The following MLLT10 variants were observed in gnomAD, a reference collection of about 807,000 sequenced individuals.
MLLT10 encodes protein AF-10.
Under a neutral mutation model 129.1 loss-of-function variants are expected in MLLT10, and 30 were observed. That is an observed-to-expected ratio of 0.23 (90% confidence interval 0.17 to 0.32). MLLT10 has a LOEUF of 0.32. MLLT10 is among the 10% of genes least tolerant of loss of function. The pLI, the probability that MLLT10 is intolerant of heterozygous loss-of-function variation, is 1.00. For synonymous variants in MLLT10, 490 were observed against 446.4 expected, an observed-to-expected ratio of 1.10 and a Z score of -1.23; for missense variants, 1,119 against 1,268.3, an observed-to-expected ratio of 0.88 and a Z score of 1.79.
In MLLT10 at chr10:21,670,651, G is replaced by C. The variant is rs2131373239; in HGVS notation, c.998G>C (p.Gly333Ala). The change falls in exon 10 of 23, where the codon GGT becomes GCT. Residue 333 changes from glycine to alanine, a missense_variant. Gly to Ala is a moderately conservative substitution (Grantham distance 60, BLOSUM62 0). This residue lies in a region of MLLT10 where 1,004 missense variants were observed against 1,008.7 expected (regional missense o/e 1.00). Transcript: ENST00000307729. ...TCAGGTCAAAGGGGAAGAAAGCCTG[G>C]TGGTGGAAGAAATCCAGGAACAACT... ...HSSGQRGRKP[G>A]GGRNPGTTVS... 3.1e-6 allele frequency: 5 copies of C among 1,614,174 alleles called. No individual in the cohort carries two copies. Among genetic ancestry groups the C allele is most frequent in the South Asian group, 1.1e-5 (1 of 91,080 alleles).
chr10:21,673,928 T>A lies in MLLT10; in HGVS notation c.1621+9T>A. 1.9e-6 allele frequency: 3 copies of A among 1,544,650 alleles called. No individual in the cohort carries two copies. Among genetic ancestry groups the A allele is most frequent in the Non-Finnish European group, 2.6e-6 (3 of 1,148,388 alleles). ...ATCTCCAGTTGGTTCAGGTAGGGGT[T>A]TGCCTATTATTATTTTTCTCCTTCA... is the stretch of plus-strand genomic sequence containing the variant. On this transcript the variant is annotated intron_variant, in intron 11 of 22. Coordinates refer to ENST00000307729, the MANE Select transcript of MLLT10 (RefSeq NM_001195626.3).
chr10:21,562,809 G>GTGTT (rs2039000595), intron 3 of MLLT10, among the ~76,000 whole-genome samples: 1 of 76,594 alleles, frequency 1.3e-5, no homozygotes, highest in East Asian at 3.4e-4. Context: ...CATATACTTT[G>GTGTT]TTTTTTTTGT....
chr10:21,696,425 CAG>C (rs1208656114), intron 13 of MLLT10, among the ~76,000 whole-genome samples: 2 of 152,032 alleles, frequency 1.3e-5, no homozygotes, highest in African/African-American at 2.4e-5. Flanking sequence ...TTGCTAGAAA[CAG>C]AAATTCTCCT....
chr10:21,737,761 A>G (rs185781944), intron 21 of MLLT10, among the ~76,000 whole-genome samples: 6 of 152,108 alleles, frequency 3.9e-5, no homozygotes, highest in African/African-American at 1.4e-4. Flanking sequence ...CTTCCTCCAG[A>G]CCCATTTCCC....
At chr10:21,610,774 T>C (rs1449898951) in intron 5 of MLLT10, among the ~76,000 whole-genome samples, 1 of 151,902 alleles carries the variant, frequency 6.6e-6, no homozygotes, top group African/African-American at 2.4e-5. Flanking sequence ...AGAGTGTTAC[T>C]GTTTCAATGT....
intron 14 of MLLT10, among the ~76,000 whole-genome samples, chr10:21,716,697 CAAA>C: frequency 8.0e-6 from 1 of 125,632 alleles, no homozygotes; most frequent in African/African-American, 2.9e-5. Flanking sequence ...TCTGTCTCCC[CAAA>C]AAAAAAAAAA....
At chr10:21,728,903 T>G (rs565289626) in intron 16 of MLLT10, among the ~76,000 whole-genome samples, 47 of 151,578 alleles carry the variant, frequency 3.1e-4, no homozygotes, top group African/African-American at 1.1e-3. Context: ...AACTTTTTCA[T>G]GTGATGACAG....
intron 13 of MLLT10, among the ~76,000 whole-genome samples, chr10:21,691,709 AAG>A (rs2053862775): frequency 2.0e-5 from 3 of 152,196 alleles, no homozygotes; most frequent in African/African-American, 7.2e-5. Context: ...TTTAAAAAGA[AAG>A]AAATTTTATA....
chr10:21,739,508 T>A (rs2058656714), intron 21 of MLLT10, among the ~76,000 whole-genome samples: 1 of 152,206 alleles, frequency 6.6e-6, no homozygotes, highest in Non-Finnish European at 1.5e-5. Flanking sequence ...AGTAATCACA[T>A]TCTAACGTTT....
At position 21,728,949 on chromosome 10, in the gene MLLT10, A is replaced by G. The variant is rs373647610; in HGVS notation, c.2063+1021A>G. 7.5e-4 allele frequency among the ~76,000 whole-genome samples: 114 copies of G among 151,752 alleles called. 1 individual carries two copies. The South Asian group carries it at 0.023, about 30-fold the overall frequency. On this transcript the variant is annotated intron_variant, in intron 16 of 22. Coordinates refer to ENST00000307729, the MANE Select transcript of MLLT10 (RefSeq NM_001195626.3). ...ACAGTATTGCTGATATATTTGGGGA[A>G]TGTCTGTTAAGGAACATCTTCTTTA...
chr10:21,631,681 A>G (rs932812362), intron 8 of MLLT10, among the ~76,000 whole-genome samples: 4 of 152,090 alleles, frequency 2.6e-5, no homozygotes, highest in African/African-American at 9.7e-5. Context: ...TGAAGAGGGA[A>G]AGTTTGAAAC....
rs554724721 is a variant in MLLT10, at chr10:21,725,752, C to CT, written c.1879-476dup. 8.9e-3 allele frequency among the ~76,000 whole-genome samples: 1,163 copies of CT among 131,272 alleles called. 10 individuals carry two copies. The highest frequency in any genetic ancestry group is 0.018 in the African/African-American group (652 of 36,274). 86.1% of individuals were successfully genotyped at this position (131,272 alleles called of 152,430 possible). A position where few individuals can be genotyped will look rare whatever the true frequency, so the allele number is the denominator to read the frequency against. On this transcript the variant is annotated intron_variant, in intron 14 of 22. Transcript: ENST00000307729. ...AAAAAAAAAAATTGTAGTTACGTAA[C>CT]TTTTTTTTTTTTTTTTGAGACGGAG...
intron 3 of MLLT10, among the ~76,000 whole-genome samples, chr10:21,559,337 C>T (rs2038491656): frequency 6.6e-6 from 1 of 152,196 alleles, no homozygotes; most frequent in Non-Finnish European, 1.5e-5. Flanking sequence ...CTTGGCCTCA[C>T]AAAGTGCTGG....
At chr10:21,569,338 G>A (rs1228971403) in intron 3 of MLLT10, among the ~76,000 whole-genome samples, 2 of 150,572 alleles carry the variant, frequency 1.3e-5, no homozygotes, top group African/African-American at 2.4e-5. Context: ...AGCTCATTAA[G>A]CCTCCACCTC....
intron 9 of MLLT10, among the ~76,000 whole-genome samples, chr10:21,662,020 A>T (rs2050261155): frequency 6.7e-6 from 1 of 149,066 alleles, no homozygotes; most frequent in Non-Finnish European, 1.5e-5. Flanking sequence ...CTTTTTTTTC[A>T]CCCTCTCATC....
At chr10:21,675,416 C>A (rs2051987965) in intron 11 of MLLT10, among the ~76,000 whole-genome samples, 1 of 152,170 alleles carries the variant, frequency 6.6e-6, no homozygotes, top group Admixed American at 6.5e-5. Context: ...AAAAATGTCT[C>A]CAAACATTGT....
chr10:21,671,146 G>C (rs367648200), intron 10 of MLLT10: 5 of 160,586 alleles, frequency 3.1e-5, no homozygotes, highest in African/African-American at 1.2e-4. Flanking sequence ...AGCCTCTTGA[G>C]TAGCTGGGAT....
At position 21,670,664 on chromosome 10, in the gene MLLT10, T is replaced by C; in HGVS notation, c.1011T>C (p.Asn337=). The C allele has an allele frequency of 6.2e-7, 1 of 1,614,110 alleles. No individual in the cohort carries two copies. Among genetic ancestry groups the C allele is most frequent in the Non-Finnish European group, 8.5e-7 (1 of 1,180,014 alleles). ...QRGRKPGGGR[N]PGTTVSAASP... The stretch of plus-strand genomic sequence containing the variant: ...GAAGAAAGCCTGGTGGTGGAAGAAA[T>C]CCAGGAACAACTGTGTCAGCAGCTA... The change falls in exon 10 of 23, where the codon AAT becomes AAC. Residue 337 remains asparagine (N), a synonymous_variant. Transcript: ENST00000307729.
intron 9 of MLLT10, among the ~76,000 whole-genome samples, chr10:21,652,419 T>C (rs2049134969): frequency 6.6e-6 from 1 of 152,212 alleles, no homozygotes; most frequent in African/African-American, 2.4e-5. Flanking sequence ...TTAACTCAAT[T>C]ATATCATTTG....
Sources: allele counts gnomAD v4.1 joint callset (sites outside exome capture counted in the v4.1 genomes callset), GRCh38; gene constraint gnomAD v4.1.1; regional missense constraint gnomAD v4.1.1; transcripts MANE v1.5; gene names NCBI Gene and HGNC (gene_info 2026-07-23, HGNC 2026-07-21).